SDHC: variants seen among roughly 807,000 people sequenced by gnomAD.
SDHC encodes succinate dehydrogenase cytochrome b560 subunit, mitochondrial.
In SDHC, 11 loss-of-function variants were observed where a neutral mutation model predicts 22.6. The ratio of observed to expected loss-of-function variants is 0.49; its 90% CI spans 0.31 to 0.81. The LOEUF (loss-of-function observed/expected upper bound fraction) is 0.81, where lower values mean the gene tolerates loss of function less well. SDHC is among the 30% of genes least tolerant of loss of function. The pLI is 0.05. For synonymous variants in SDHC, 80 were observed against 77.8 expected, an observed-to-expected ratio of 1.03 and a Z score of -0.15; for missense variants, 160 against 212.0, an observed-to-expected ratio of 0.75 and a Z score of 1.52.
intron 1 of SDHC, among the ~76,000 whole-genome samples, chr1:161,321,419 T>C (rs1670832003): frequency 6.6e-6 from 1 of 152,226 alleles, no homozygotes; most frequent in Non-Finnish European, 1.5e-5. Flanking sequence ...TACATTGATA[T>C]TTGTCTGGGA....
At chr1:161,332,063 G>T (rs184851994) in intron 3 of SDHC, among the ~76,000 whole-genome samples, 1 of 151,752 alleles carries the variant, frequency 6.6e-6, no homozygotes, top group Admixed American at 6.6e-5. Flanking sequence ...TTGTAACCTT[G>T]AACTCCTGGA....
chr1:161,320,771 C>T (rs916264967), intron 1 of SDHC, among the ~76,000 whole-genome samples: 2 of 151,640 alleles, frequency 1.3e-5, no homozygotes, highest in Non-Finnish European at 2.9e-5. Context: ...TAACTGAAAA[C>T]GCTGAAGCTC....
At chr1:161,314,454 C>A in intron 1 of SDHC, 29 bp downstream of exon 1, 1 of 1,612,980 alleles carries the variant, frequency 6.2e-7, no homozygotes, top group Non-Finnish European at 8.5e-7. Flanking sequence ...GGAGTTGGTG[C>A]CTGCGGCCCT....
intron 1 of SDHC, among the ~76,000 whole-genome samples, chr1:161,316,100 A>T (rs1227065732): frequency 6.6e-6 from 1 of 152,116 alleles, no homozygotes; most frequent in African/African-American, 2.4e-5. Flanking sequence ...CAGTAGATGG[A>T]ATATACAATC....
chr1:161,329,699 G>A (rs1040000881), intron 3 of SDHC, among the ~76,000 whole-genome samples: 3 of 152,198 alleles, frequency 2.0e-5, no homozygotes, highest in African/African-American at 7.2e-5. Flanking sequence ...TAACACAGAT[G>A]TATTGTCTTA....
At chr1:161,355,843 G>C (rs1315545408) in intron 4 of SDHC, among the ~76,000 whole-genome samples, 3 of 151,918 alleles carry the variant, frequency 2.0e-5, no homozygotes, top group African/African-American at 7.3e-5. Flanking sequence ...AATTAGCGAG[G>C]CATGGTGGCA....
chr1:161,355,360 C>T (rs569269663), intron 4 of SDHC, among the ~76,000 whole-genome samples: 3 of 152,228 alleles, frequency 2.0e-5, no homozygotes, highest in African/African-American at 7.2e-5. Context: ...GGATAAAAGT[C>T]CTCCATGATT....
chr1:161,339,667 T>TTTTTTGTTTGTTTG lies in SDHC; in HGVS notation c.180-922_180-921insGTTTGTTTGTTTTT, dbSNP rs1445691493. 702 of 236,408 alleles carry TTTTTTGTTTGTTTG rather than the reference T, an allele frequency of 3.0e-3. 30 individuals are homozygous for TTTTTTGTTTGTTTG. The highest frequency in any genetic ancestry group is 0.023 in the African/African-American group (668 of 28,728). The allele number at this position is 236,408 out of a possible 1,614,324, so 14.6% of individuals were successfully genotyped here. The stretch of plus-strand genomic sequence containing the variant: ...AACCTAATCCTGATACAGGTGTTTT[T>TTTTTTGTTTGTTTG]TTTTTTTTTTTTTTTTTTTTTTTGG... On this transcript the variant is annotated intron_variant, in intron 3 of 5. Coordinates refer to ENST00000367975, the MANE Select transcript of SDHC (RefSeq NM_003001.5).
rs1428542772 is a variant in SDHC, at chr1:161,328,470, C to T, written c.152C>T (p.Pro51Leu). The T allele has an allele frequency of 6.2e-7, 1 of 1,611,964 alleles. No individual in the cohort carries two copies. Among genetic ancestry groups the T allele is most frequent in the Non-Finnish European group, 8.5e-7 (1 of 1,178,146 alleles). The change falls in exon 3 of 6, where the codon CCT (proline) becomes CTT (leucine). Residue 51 changes from proline (P) to leucine (L), a missense_variant. This residue lies in a region of SDHC where 86 missense variants were observed against 83.4 expected (regional missense o/e 1.03). Coordinates refer to ENST00000367975, the MANE Select transcript of SDHC (RefSeq NM_003001.5). ...AATAAGAATATAGGTTCAAACCGTC[C>T]TCTGTCTCCCCACATTACTATCTAC... ...FWNKNIGSNRPLSPHITIYSW... is the reference protein window; with the variant it reads ...FWNKNIGSNRLLSPHITIYSW...
chr1:161,318,384 T>C (rs975281777), intron 1 of SDHC, among the ~76,000 whole-genome samples: 5 of 152,212 alleles, frequency 3.3e-5, no homozygotes, highest in Admixed American at 3.3e-4. Context: ...GTATGTTCTC[T>C]AAACAGTTCA....
intron 1 of SDHC, among the ~76,000 whole-genome samples, chr1:161,319,793 G>A (rs992038403): frequency 4.6e-5 from 7 of 152,244 alleles, no homozygotes; most frequent in East Asian, 1.9e-4. Context: ...TCTGAGGGAG[G>A]CTCTATTCAG....
At chr1:161,352,245 G>C (rs1177550469) in intron 4 of SDHC, among the ~76,000 whole-genome samples, 1 of 152,162 alleles carries the variant, frequency 6.6e-6, no homozygotes, top group Non-Finnish European at 1.5e-5. Flanking sequence ...AGTGATGAAA[G>C]CTTTGGCTAA....
At chr1:161,354,742 C>T (rs1017860452) in intron 4 of SDHC, among the ~76,000 whole-genome samples, 5 of 149,864 alleles carry the variant, frequency 3.3e-5, no homozygotes, top group African/African-American at 1.2e-4. Context: ...TCACGCCTCA[C>T]TCTGTTGCCC....
At chr1:161,316,973 T>A (rs1267258784) in intron 1 of SDHC, among the ~76,000 whole-genome samples, 3 of 152,036 alleles carry the variant, frequency 2.0e-5, no homozygotes, top group Non-Finnish European at 4.4e-5. Context: ...TTGGTTAAAC[T>A]TTTCTTTTTG....
intron 4 of SDHC, among the ~76,000 whole-genome samples, chr1:161,344,601 G>A (rs1348132767): frequency 6.6e-6 from 1 of 152,122 alleles, no homozygotes; most frequent in Non-Finnish European, 1.5e-5. Flanking sequence ...TAGAGTAGAA[G>A]TTAAGTATAA....
chr1:161,352,322 T>C (rs1375000131), intron 4 of SDHC, among the ~76,000 whole-genome samples: 1 of 152,168 alleles, frequency 6.6e-6, no homozygotes, highest in Non-Finnish European at 1.5e-5. Context: ...TTTTGAAAAT[T>C]AGTGAGGCAG....
At chr1:161,356,576 A>G in intron 4 of SDHC, 101 bp from the exon 5 acceptor site, 1 of 1,183,456 alleles carries the variant, frequency 8.4e-7, no homozygotes, top group Non-Finnish European at 1.3e-6. Context: ...CCATTTCAAA[A>G]TGGTTTAGAA....
Position 161,356,820 on chromosome 1 carries a change from T to C in SDHC, c.385T>C (p.Trp129Arg), listed in dbSNP as rs541278701. The C allele has an allele frequency of 6.2e-7, 1 of 1,614,176 alleles. No individual in the cohort carries two copies. The highest frequency in any genetic ancestry group is 8.5e-7 in the Non-Finnish European group (1 of 1,180,004). The change falls in exon 5 of 6, where the codon TGG becomes CGG. Residue 129 changes from tryptophan (W) to arginine (R), a missense_variant. Around this residue, in one of 2 missense-constraint regions of SDHC, gnomAD observed 74 missense variants for 128.6 expected, o/e 0.58. Coordinates refer to ENST00000367975, the MANE Select transcript of SDHC (RefSeq NM_003001.5). Reference protein sequence around the residue: ...ALVFPLMYHTWNGIRHLMWDL... With the variant: ...ALVFPLMYHTRNGIRHLMWDL... ...TGTCTTCCCTCTCATGTATCATACCTGGAATGGGATCCGACACTTGGTAAG... is the reference window on the plus strand; with the variant it reads ...TGTCTTCCCTCTCATGTATCATACCCGGAATGGGATCCGACACTTGGTAAG...
At chr1:161,353,547 A>T (rs1362345533) in intron 4 of SDHC, among the ~76,000 whole-genome samples, 1 of 152,206 alleles carries the variant, frequency 6.6e-6, no homozygotes, top group African/African-American at 2.4e-5. Context: ...GTTTGAGTTC[A>T]GGTTTACCTC....
Sources: gnomAD v4.1 joint callset for allele counts (sites outside exome capture counted in the v4.1 genomes callset) on GRCh38, gnomAD v4.1.1 for gene constraint, gnomAD v4.1.1 regional missense constraint, MANE v1.5 for transcripts, NCBI Gene and HGNC (gene_info 2026-07-23, HGNC 2026-07-21) for gene names.